Variants in UBE4A observed in about 807,000 individuals in gnomAD.
UBE4A encodes the protein ubiquitin conjugation factor E4 A.
A neutral mutation model predicts 117.9 loss-of-function variants in UBE4A; 48 were observed. The observed-to-expected ratio is 0.41, with a 90% CI of 0.32 to 0.52. UBE4A has a LOEUF of 0.52. Among genes scored for constraint, UBE4A ranks in the 20% least tolerant of loss-of-function variants. UBE4A has a pLI of 0.33. For missense variants in UBE4A, 1,067 were observed against 1,296.3 expected, an observed-to-expected ratio of 0.82 and a Z score of 2.72; for synonymous variants, 407 against 450.0, an observed-to-expected ratio of 0.90 and a Z score of 1.21.
At chr11:118,382,356 A>T (rs543164743) in intron 12 of UBE4A, among the ~76,000 whole-genome samples, 11 of 152,010 alleles carry the variant, frequency 7.2e-5, no homozygotes, top group Admixed American at 3.3e-4. Context: ...TTAAGTGCTC[A>T]CCGTCATATT....
chr11:118,382,815 T>C, intron 13 of UBE4A, 39 bp downstream of exon 13: 2 of 1,483,810 alleles, frequency 1.3e-6, no homozygotes, highest in Non-Finnish European at 1.8e-6. Flanking sequence ...ACTGGGAAGC[T>C]GATACCAGTG....
At chr11:118,360,986 ATGTGTGTGTG>A (rs10624453) in intron 1 of UBE4A, among the ~76,000 whole-genome samples, 1 of 140,874 alleles carries the variant, frequency 7.1e-6, no homozygotes, top group Non-Finnish European at 1.5e-5. Flanking sequence ...GTATGTATAT[ATGTGTGTGTG>A]TGTGTGTGTG....
intron 1 of UBE4A, 104 bp from the exon 2 acceptor site, chr11:118,364,936 T>A (rs1263667925): frequency 8.8e-6 from 10 of 1,132,326 alleles, no homozygotes; most frequent in Non-Finnish European, 1.2e-5. Flanking sequence ...CCAAAGTATT[T>A]TAAAATGTAT....
intron 11 of UBE4A, among the ~76,000 whole-genome samples, chr11:118,380,525 T>C (rs1038532402): frequency 6.6e-6 from 1 of 152,132 alleles, no homozygotes; most frequent in African/African-American, 2.4e-5. Context: ...GAGGCCACAG[T>C]GAGCCATAAT....
In UBE4A at chr11:118,384,644, A is replaced by G; in HGVS notation, c.2207A>G (p.His736Arg). The G allele has an allele frequency of 6.2e-7, 1 of 1,613,996 alleles. No homozygotes were observed. The highest frequency in any genetic ancestry group is 8.5e-7 in the Non-Finnish European group (1 of 1,179,982). ...FVDIEFTGDP[H>R]QFEQKFNYRR... ...TCTTGCCTTACTCCAGGAGACCCCCATCAATTTGAACAGAAGTTTAATTAC... is the reference window on the plus strand; with the variant it reads ...TCTTGCCTTACTCCAGGAGACCCCCGTCAATTTGAACAGAAGTTTAATTAC... Residue 736 changes from histidine (H) to arginine (R), a missense_variant, in exon 14 of 20, where the codon CAT becomes CGT. By Grantham distance (29) the His-to-Arg change is conservative. Coordinates refer to ENST00000252108, the MANE Select transcript of UBE4A (RefSeq NM_001204077.2).
intron 19 of UBE4A, among the ~76,000 whole-genome samples, chr11:118,394,511 C>T (rs1948850114): frequency 6.6e-6 from 1 of 152,180 alleles, no homozygotes; most frequent in African/African-American, 2.4e-5. Flanking sequence ...TGGCTCACGT[C>T]TGTAATCCCA....
rs369142566 is a variant in UBE4A, at chr11:118,394,599, C to T, written c.3074+1704C>T. Reference sequence around the variant, plus strand: ...CAGCCTGGCCAACATGGTGAAACCCCGTCTCTACTAAAAATACAAAAATTA... The same window carrying T: ...CAGCCTGGCCAACATGGTGAAACCCTGTCTCTACTAAAAATACAAAAATTA... On this transcript the variant is annotated intron_variant, in intron 19 of 19. Transcript: ENST00000252108. 1.3e-4 allele frequency among the ~76,000 whole-genome samples: 20 copies of T among 151,964 alleles called. No homozygotes were observed. The South Asian group carries it at 3.7e-3, about 28-fold the overall frequency.
Position 118,386,424 on chromosome 11 carries a change from T to G in UBE4A, c.2413-14T>G. 1 of 1,598,910 alleles carries G rather than the reference T, an allele frequency of 6.3e-7. No individual in the cohort carries two copies. The highest frequency in any genetic ancestry group is 2.3e-5 in the East Asian group (1 of 43,952). On this transcript the variant is annotated splice_polypyrimidine_tract_variant and intron_variant, in intron 15 of 19. Coordinates refer to ENST00000252108, the MANE Select transcript of UBE4A (RefSeq NM_001204077.2). The stretch of plus-strand genomic sequence containing the variant: ...CCTTTCTTCTCTGATATATCCCATC[T>G]CTGGTTTCTGCAGTATTTGAGCAAG...
intron 15 of UBE4A, among the ~76,000 whole-genome samples, chr11:118,385,718 C>G (rs952090526): frequency 1.3e-5 from 2 of 152,218 alleles, no homozygotes; most frequent in African/African-American, 4.8e-5. Context: ...TTTAGACAGT[C>G]ATGAGCTCCT....
intron 2 of UBE4A, among the ~76,000 whole-genome samples, chr11:118,368,106 T>C (rs185443424): frequency 3.9e-5 from 6 of 152,300 alleles, no homozygotes; most frequent in East Asian, 1.9e-4. Context: ...AAAAGAGCTA[T>C]GTATAGTATC....
chr11:118,388,588 G>A (rs1164678347), intron 16 of UBE4A, among the ~76,000 whole-genome samples: 26 of 151,852 alleles, frequency 1.7e-4, no homozygotes, highest in African/African-American at 6.3e-4. Flanking sequence ...GGCGGAGGTT[G>A]CAGTGAGCAG....
In UBE4A at chr11:118,375,216, T is replaced by C; in HGVS notation, c.1437T>C (p.Asn479=). 6.2e-7 allele frequency: 1 copy of C among 1,608,236 alleles called. No individual in the cohort carries two copies. The highest frequency in any genetic ancestry group is 1.1e-5 in the South Asian group (1 of 90,726). Residue 479 remains asparagine, a synonymous_variant, in exon 9 of 20, where the codon AAT becomes AAC. Transcript: ENST00000252108. The stretch of plus-strand genomic sequence containing the variant: ...ATGATGAAGAACGAAAAATTAAAAA[T>C]GTACACATGAGAGGTAGGAGAGAAC... ...ELNDEERKIK[N]VHMRGLDKET...
chr11:118,390,435 A>G (rs1426728505), intron 17 of UBE4A, among the ~76,000 whole-genome samples: 1 of 146,054 alleles, frequency 6.8e-6, no homozygotes, highest in Non-Finnish European at 1.5e-5. Flanking sequence ...ATAATTTTAT[A>G]TAATTATAAT....
At chr11:118,391,429 C>T (rs1270434099) in intron 18 of UBE4A, among the ~76,000 whole-genome samples, 1 of 149,580 alleles carries the variant, frequency 6.7e-6, no homozygotes, top group Non-Finnish European at 1.5e-5. Context: ...GCGGAGGTTG[C>T]AGTGATCGCA....
At chr11:118,376,829 T>G in intron 10 of UBE4A, 135 bp downstream of exon 10, 12 of 1,063,218 alleles carry the variant, frequency 1.1e-5, no homozygotes, top group Non-Finnish European at 1.6e-5. Context: ...GCAGAAGGAT[T>G]GCTTGAGGCC....
At chr11:118,375,916 TG>T (rs1948648882) in intron 9 of UBE4A, among the ~76,000 whole-genome samples, 1 of 152,214 alleles carries the variant, frequency 6.6e-6, no homozygotes, top group African/African-American at 2.4e-5. Flanking sequence ...TAATCAATTC[TG>T]CAGAAGTTGG....
intron 13 of UBE4A, among the ~76,000 whole-genome samples, chr11:118,383,399 G>T (rs1948724377): frequency 6.6e-6 from 1 of 151,926 alleles, no homozygotes; most frequent in Non-Finnish European, 1.5e-5. Context: ...TTTGAGACCA[G>T]CCTGGCCAAC....
chr11:118,379,202 T>C (rs1948678287), intron 10 of UBE4A, among the ~76,000 whole-genome samples: 1 of 152,222 alleles, frequency 6.6e-6, no homozygotes, highest in Admixed American at 6.5e-5. Context: ...CTTTGGATAG[T>C]GCATTTCAAC....
intron 10 of UBE4A, among the ~76,000 whole-genome samples, chr11:118,377,407 C>T (rs1801475046): frequency 6.6e-6 from 1 of 151,776 alleles, no homozygotes; most frequent in African/African-American, 2.4e-5. Context: ...TGGGGTTTCG[C>T]TGTGTTGGCC....
Sources: gnomAD v4.1 joint callset for allele counts (sites outside exome capture counted in the v4.1 genomes callset) on GRCh38, gnomAD v4.1.1 for gene constraint, MANE v1.5 for transcripts, NCBI Gene and HGNC (gene_info 2026-07-23, HGNC 2026-07-21) for gene names.